The following NBEAL2 variants were observed in gnomAD, a reference collection of about 807,000 sequenced individuals.
NBEAL2 encodes neurobeachin-like protein 2.
In NBEAL2, 160 loss-of-function variants were observed where a neutral mutation model predicts 299.8. That is an observed-to-expected ratio of 0.53 (90% confidence interval 0.47 to 0.61). The LOEUF is 0.61. NBEAL2 is among the 20% of genes least tolerant of loss of function. NBEAL2 has a pLI of 0.00. For missense variants in NBEAL2, 3,112 were observed against 3,649.0 expected (o/e 0.85, Z 3.79); for synonymous variants, 1,493 against 1,542.3 (o/e 0.97, Z 0.75).
intron 10 of NBEAL2, among the ~76,000 whole-genome samples, chr3:46,993,158 G>A (rs2036230183): frequency 6.6e-6 from 1 of 152,200 alleles, no homozygotes; most frequent in African/African-American, 2.4e-5. Flanking sequence ...CATTTTCTTA[G>A]AGCTTACACG....
Position 46,996,977 on chromosome 3 carries a change from G to C in NBEAL2, c.2580G>C (p.Leu860=). The C allele has an allele frequency of 6.2e-7, 1 of 1,613,360 alleles. No individual in the cohort carries two copies. Among genetic ancestry groups the C allele is most frequent in the Middle Eastern group, 1.6e-4 (1 of 6,062 alleles). Residue 860 remains leucine, a synonymous_variant, in exon 18 of 54, where the codon CTG becomes CTC. Coordinates refer to ENST00000450053, the MANE Select transcript of NBEAL2 (RefSeq NM_015175.3). ...SPQACKNNIC[L]DLSPSHGLDG... is the part of the protein sequence containing the mutation. ...AGGCTTGTAAGAACAACATCTGCCT[G>C]GACCTGTCCCCCAGTCATGGGCTTG...
rs777475139 is a variant in NBEAL2 at position 46,995,012 on chromosome 3, G to A, written c.1297-20G>A. The A allele has an allele frequency of 6.6e-7, 1 of 1,525,252 alleles. No individual in the cohort carries two copies. The highest frequency in any genetic ancestry group is 1.2e-5 in the South Asian group (1 of 80,770). The allele number at this position is 1,525,252 out of a possible 1,614,324, so 94.5% of individuals were successfully genotyped here. A position where few individuals can be genotyped will look rare whatever the true frequency, so the allele number is the denominator to read the frequency against. ...AGGGTGCCACAGCTGACCAGGGACT[G>A]TCATTCTCTCCACCCACAGGCTGTG... On this transcript the variant is annotated intron_variant, in intron 12 of 53. Transcript: ENST00000450053.
chr3:46,984,616 C>T (rs116063521), intron 1 of NBEAL2, among the ~76,000 whole-genome samples: 1 of 152,320 alleles, frequency 6.6e-6, no homozygotes, highest in African/African-American at 2.4e-5. Context: ...GGGGGGACCC[C>T]CTAGGCCTGG....
At position 47,002,364 on chromosome 3, in the gene NBEAL2, C is replaced by T. The variant is rs770047093; in HGVS notation, c.5152-7C>T. 1.2e-6 allele frequency: 2 copies of T among 1,613,428 alleles called. No homozygotes were observed. Among genetic ancestry groups the T allele is most frequent in the South Asian group, 1.1e-5 (1 of 91,064 alleles). The stretch of plus-strand genomic sequence containing the variant: ...CGAGCACTGTTCTCCTCTGCCCAAT[C>T]CTCCAGGTACAGCCAACCATGTCCC... On this transcript the variant is annotated splice_region_variant and splice_polypyrimidine_tract_variant and intron_variant, in intron 31 of 53. Transcript: ENST00000450053.
In NBEAL2 at chr3:46,989,414, G is replaced by C; in HGVS notation, c.473+33G>C. The C allele has an allele frequency of 6.4e-7, 1 of 1,567,370 alleles. No homozygotes were observed. The highest frequency in any genetic ancestry group is 8.7e-7 in the Non-Finnish European group (1 of 1,156,054). On this transcript the variant is annotated intron_variant, in intron 5 of 53. Coordinates refer to ENST00000450053, the MANE Select transcript of NBEAL2 (RefSeq NM_015175.3). The surrounding 1 kb of genome is among the most constrained non-coding windows in gnomAD (Gnocchi z 5.5). ...CCAGCCCACAGGAAGGGAACCCAGA[G>C]GAGGGTGGGGAGAGGATGGCCGCGC...
In NBEAL2 at chr3:46,994,757, A is replaced by C. The variant is rs563032628; in HGVS notation, c.1296+204A>C. Reference sequence around the variant, plus strand: ...GTCCTGGAAGCAACTGCATGTGAGCAAGCCCCAGGATTATCTTAGGAACAT... The same window carrying C: ...GTCCTGGAAGCAACTGCATGTGAGCCAGCCCCAGGATTATCTTAGGAACAT... On this transcript the variant is annotated intron_variant, in intron 12 of 53. Coordinates refer to ENST00000450053, the MANE Select transcript of NBEAL2 (RefSeq NM_015175.3). Among the ~76,000 whole-genome samples, 4 of 152,320 alleles carry C rather than the reference A, an allele frequency of 2.6e-5. No homozygotes were observed. In the South Asian group the frequency reaches 8.3e-4, roughly 32 times the overall value.
intron 12 of NBEAL2, 54 bp downstream of exon 12, chr3:46,994,607 G>A: frequency 6.9e-7 from 1 of 1,449,638 alleles, no homozygotes; most frequent in Non-Finnish European, 9.5e-7. Context: ...ACTGAGTCAG[G>A]GTTACCACAG....
At chr3:46,997,185 G>C in intron 18 of NBEAL2, 74 bp from the exon 19 acceptor site, 2 of 1,584,846 alleles carry the variant, frequency 1.3e-6, no homozygotes, top group Non-Finnish European at 1.7e-6. Flanking sequence ...TTCCTTTCTG[G>C]GTGGTCTGCT....
rs749200523 is a variant in NBEAL2 at position 46,997,414 on chromosome 3, C to A, written c.2805C>A (p.Leu935=). Residue 935 remains leucine (L), a synonymous_variant, in exon 19 of 54, where the codon CTC becomes CTA. Transcript: ENST00000450053. ...GTCACAACACCCAGGGCCTGGTTCT[C>A]CCATTGGGTAAATCTTCAGGTAAGT... ...TSGHNTQGLV[L]PLGKSSEERM... 8 of 1,610,282 alleles carry A rather than the reference C, an allele frequency of 5.0e-6. No homozygotes were observed. The highest frequency in any genetic ancestry group is 5.9e-6 in the Non-Finnish European group (7 of 1,178,748).
Position 47,009,381 on chromosome 3 carries a change from C to A in NBEAL2, c.*61C>A. On this transcript the variant is annotated 3_prime_UTR_variant, in exon 54 of 54. Coordinates refer to ENST00000450053, the MANE Select transcript of NBEAL2 (RefSeq NM_015175.3). ...GCAGGCCTGGCCCGGGAGGCCCCGC[C>A]CAGAAGTCGGCGGGAACACCCCGGG... 6.7e-7 allele frequency: 1 copy of A among 1,497,474 alleles called. No individual in the cohort carries two copies. The allele number at this position is 1,497,474 out of a possible 1,614,324, so 92.8% of individuals were successfully genotyped here.
intron 10 of NBEAL2, 68 bp from the exon 11 acceptor site, chr3:46,993,855 TCTGCACCTTTTTTA>T: frequency 7.8e-7 from 1 of 1,281,034 alleles, no homozygotes; most frequent in Admixed American, 2.0e-5. Context: ...GGTGCTTGGC[TCTGCACCTTTTTTA>T]CTGCAGGGGG....
chr3:47,001,021 G>A lies in NBEAL2; in HGVS notation c.4326G>A (p.Leu1442=). The change falls in exon 28 of 54, where the codon TTG becomes TTA. Residue 1442 remains leucine, a synonymous_variant. Transcript: ENST00000450053. The surrounding 1 kb of genome is among the most constrained non-coding windows in gnomAD (Gnocchi z 6.1). Reference sequence around the variant, plus strand: ...CACAGCAAACCTCTGAGGAAGAGTTGTGCAATCTGCTCACCAACGTGCTGT... The same window carrying A: ...CACAGCAAACCTCTGAGGAAGAGTTATGCAATCTGCTCACCAACGTGCTGT... ...SNPQQTSEEE[L]CNLLTNVLFS... The A allele has an allele frequency of 6.2e-7, 1 of 1,610,828 alleles. No individual in the cohort carries two copies. Among genetic ancestry groups the A allele is most frequent in the Non-Finnish European group, 8.5e-7 (1 of 1,178,694 alleles).
At position 46,991,145 on chromosome 3, in the gene NBEAL2, C is replaced by A. The variant is rs918384716; in HGVS notation, c.557-74C>A. The A allele has an allele frequency of 3.0e-6, 4 of 1,343,700 alleles. No individual in the cohort carries two copies. The highest frequency in any genetic ancestry group is 4.2e-6 in the Non-Finnish European group (4 of 957,270). 83.2% of individuals were successfully genotyped at this position (1,343,700 alleles called of 1,614,324 possible). On this transcript the variant is annotated intron_variant, in intron 6 of 53. Coordinates refer to ENST00000450053, the MANE Select transcript of NBEAL2 (RefSeq NM_015175.3). The surrounding 1 kb of genome is among the most constrained non-coding windows in gnomAD (Gnocchi z 6.2). The stretch of plus-strand genomic sequence containing the variant: ...TCTCCCCTCCACCCCAGGGCACTCA[C>A]CTCTTGTGCAGCCCCCTGGGTCCAT...
chr3:46,988,834 C>T lies in NBEAL2; in HGVS notation c.141-8C>T. The T allele has an allele frequency of 1.2e-6, 2 of 1,604,466 alleles. No homozygotes were observed. The highest frequency in any genetic ancestry group is 1.7e-6 in the Non-Finnish European group (2 of 1,172,972). ...TCCTCAGCACCCGTGTCTCCCCTTT[C>T]CTTGCAGGCCAGAGGAGGCAGGTGC... On this transcript the variant is annotated splice_region_variant and splice_polypyrimidine_tract_variant and intron_variant, in intron 2 of 53. Coordinates refer to ENST00000450053, the MANE Select transcript of NBEAL2 (RefSeq NM_015175.3). The surrounding 1 kb of genome is among the most constrained non-coding windows in gnomAD (Gnocchi z 4.4).
At position 47,002,084 on chromosome 3, in the gene NBEAL2, T is replaced by C; in HGVS notation, c.4947T>C (p.Leu1649=). 6.4e-7 allele frequency: 1 copy of C among 1,551,652 alleles called. No homozygotes were observed. The highest frequency in any genetic ancestry group is 8.7e-7 in the Non-Finnish European group (1 of 1,147,502). ...CCACTGATGAGGCAGGGTCCCCACTTGCAGCTGCAGCAGCTGCAGCAGCTG... is the reference window on the plus strand; with the variant it reads ...CCACTGATGAGGCAGGGTCCCCACTCGCAGCTGCAGCAGCTGCAGCAGCTG... ...ESATDEAGSP[L]AAAAAAAAAE... The change falls in exon 31 of 54, where the codon CTT becomes CTC. Residue 1649 remains leucine, a synonymous_variant. Transcript: ENST00000450053.
Position 46,996,990 on chromosome 3 carries a change from A to T in NBEAL2, c.2593A>T (p.Ser865Cys), listed in dbSNP as rs1354245686. The T allele has an allele frequency of 3.7e-6, 6 of 1,613,194 alleles. No homozygotes were observed. The African/African-American group carries it at 8.0e-5, about 22-fold the overall frequency. ...KNNICLDLSP[S>C]HGLDGRLTGH... Reference sequence around the variant, plus strand: ...CAACATCTGCCTGGACCTGTCCCCCAGTCATGGGCTTGATGGGCGCCTGAC... The same window carrying T: ...CAACATCTGCCTGGACCTGTCCCCCTGTCATGGGCTTGATGGGCGCCTGAC... The change falls in exon 18 of 54, where the codon AGT (serine) becomes TGT (cysteine). Residue 865 changes from serine (S) to cysteine (C), a missense_variant. Ser to Cys is a moderately radical substitution (Grantham distance 112). Around this residue, in one of 3 missense-constraint regions of NBEAL2, gnomAD observed 2,243 missense variants for 2,538.1 expected, o/e 0.88. Coordinates refer to ENST00000450053, the MANE Select transcript of NBEAL2 (RefSeq NM_015175.3).
chr3:46,990,810 C>T (rs2036025758), intron 6 of NBEAL2, among the ~76,000 whole-genome samples: 1 of 152,150 alleles, frequency 6.6e-6, no homozygotes, highest in African/African-American at 2.4e-5. Flanking sequence ...GCAGAGTCCC[C>T]AGAGCACGGC....
Position 47,008,390 on chromosome 3 carries a change from C to T in NBEAL2, c.7827C>T (p.Ser2609=), listed in dbSNP as rs971833983. 2.3e-5 allele frequency: 37 copies of T among 1,613,804 alleles called. No homozygotes were observed. Among genetic ancestry groups the T allele is most frequent in the Non-Finnish European group, 2.1e-5 (25 of 1,179,866 alleles). ...PGPIFHLALG[S]EGQIVVQSSA... ...CTATTTTCCACCTGGCATTGGGGTC[C>T]GAAGGCCAGATTGTGGTACAGAGCT... Residue 2609 remains serine, a synonymous_variant, in exon 51 of 54, where the codon TCC becomes TCT. Coordinates refer to ENST00000450053, the MANE Select transcript of NBEAL2 (RefSeq NM_015175.3).
chr3:47,004,410 T>G lies in NBEAL2; in HGVS notation c.6198+17T>G. 1 of 1,589,296 alleles carries G rather than the reference T, an allele frequency of 6.3e-7. No homozygotes were observed. Among genetic ancestry groups the G allele is most frequent in the South Asian group, 1.1e-5 (1 of 87,080 alleles). On this transcript the variant is annotated intron_variant, in intron 37 of 53. Coordinates refer to ENST00000450053, the MANE Select transcript of NBEAL2 (RefSeq NM_015175.3). This position sits in a 1 kb window ranked among gnomAD's most constrained non-coding sequence, Gnocchi z 5.0. ...CTTACCCAGGTGAGAGCCCTGGGTG[T>G]GAGGGATGTGAAGTCGGGACCCTGA...
Sources: allele counts gnomAD v4.1 joint callset (sites outside exome capture counted in the v4.1 genomes callset), GRCh38; gene constraint gnomAD v4.1.1; regional missense constraint gnomAD v4.1.1; non-coding constraint Gnocchi (gnomAD v3.1); transcripts MANE v1.5; gene names NCBI Gene and HGNC (gene_info 2026-07-23, HGNC 2026-07-21).